OR2L13: variants seen among roughly 807,000 people sequenced by gnomAD.
OR2L13 encodes the protein olfactory receptor 2L13.
A neutral mutation model predicts 15.3 loss-of-function variants in OR2L13; 14 were observed. The observed-to-expected ratio is 0.91, with a 90% CI of 0.60 to 1.43. The LOEUF is 1.43. Among genes scored for constraint, OR2L13 ranks in the 40% most tolerant of loss-of-function variants. OR2L13 has a pLI of 0.00. For synonymous variants in OR2L13, 152 were observed against 142.9 expected, an observed-to-expected ratio of 1.06 and a Z score of -0.45; for missense variants, 367 against 387.9, an observed-to-expected ratio of 0.95 and a Z score of 0.45.
the OR2L13 span, among the ~76,000 whole-genome samples, chr1:248,036,873 A>C: frequency 4.1e-4 from 62 of 152,282 alleles, no homozygotes; most frequent in African/African-American, 1.4e-3. Context: ...ATGGATCTTA[A>C]CAAAAAATTG....
chr1:248,046,752 T>G, the OR2L13 span: 1 of 152,142 alleles, frequency 6.6e-6, no homozygotes, highest in Non-Finnish European at 1.5e-5. Flanking sequence ...CTCTGAAATC[T>G]CACATGCAGG....
chr1:248,017,226 G>A, the OR2L13 span, among the ~76,000 whole-genome samples: 1 of 152,122 alleles, frequency 6.6e-6, no homozygotes, highest in African/African-American at 2.4e-5. Context: ...AGCTAATTCT[G>A]TGGATAAAAA....
the OR2L13 span, chr1:248,061,136 C>T: frequency 3.7e-5 from 59 of 1,613,400 alleles, no homozygotes; most frequent in African/African-American, 2.1e-4. Context: ...ATCATAGGCT[C>T]GATCAATGCT....
the OR2L13 span, among the ~76,000 whole-genome samples, chr1:248,056,775 G>A: frequency 6.6e-6 from 1 of 150,384 alleles, no homozygotes; most frequent in South Asian, 2.1e-4. Context: ...GGCCTCTTGA[G>A]TAGCTGGGAC....
chr1:248,028,614 T>C, the OR2L13 span, among the ~76,000 whole-genome samples: 1 of 152,208 alleles, frequency 6.6e-6, no homozygotes, highest in Non-Finnish European at 1.5e-5. Context: ...ATAAAACAAG[T>C]TGTGGCCTAC....
At chr1:248,069,137 C>A in the OR2L13 span, among the ~76,000 whole-genome samples, 4 of 152,212 alleles carry the variant, frequency 2.6e-5, no homozygotes, top group South Asian at 6.2e-4. Flanking sequence ...CACAAAGATA[C>A]TCCTCGAGAA....
At chr1:247,943,184 G>A in the OR2L13 span, among the ~76,000 whole-genome samples, 5 of 152,050 alleles carry the variant, frequency 3.3e-5, no homozygotes, top group Non-Finnish European at 7.4e-5. Context: ...ATATTTGTTT[G>A]ATGCAAAAAC....
upstream of OR2L13, among the ~76,000 whole-genome samples, chr1:248,095,607 C>CTGTTTTTTTTTT (rs1553285515): frequency 2.7e-5 from 1 of 37,294 alleles, no homozygotes; most frequent in Non-Finnish European, 5.4e-5. Flanking sequence ...AAAGCTGCTG[C>CTGTTTTTTTTTT]TTTTTTTTTT....
chr1:248,060,631 T>G, the OR2L13 span: 1 of 1,456,944 alleles, frequency 6.9e-7, no homozygotes, highest in African/African-American at 1.4e-5. Flanking sequence ...CGAATTTCTG[T>G]GCTTAACTTA....
chr1:248,064,021 T>G, the OR2L13 span, among the ~76,000 whole-genome samples: 1 of 152,168 alleles, frequency 6.6e-6, no homozygotes, highest in Non-Finnish European at 1.5e-5. Context: ...GCCCTTTGAG[T>G]GTAGGACCTT....
the OR2L13 span, among the ~76,000 whole-genome samples, chr1:248,002,530 T>C: frequency 6.6e-6 from 1 of 152,184 alleles, no homozygotes; most frequent in Admixed American, 6.5e-5. Flanking sequence ...GCTTCATCCA[T>C]GTTGTAGCAT....
chr1:248,011,993 G>C, the OR2L13 span, among the ~76,000 whole-genome samples: 1 of 152,116 alleles, frequency 6.6e-6, no homozygotes, highest in Non-Finnish European at 1.5e-5. Flanking sequence ...TAATATCTAT[G>C]TGATTTAATG....
chr1:247,990,566 G>A, the OR2L13 span: 22 of 1,564,984 alleles, frequency 1.4e-5, no homozygotes, highest in African/African-American at 2.7e-4. Context: ...GGGATTCAGA[G>A]TTTCTTCTTC....
the OR2L13 span, among the ~76,000 whole-genome samples, chr1:248,009,793 C>T: frequency 6.6e-6 from 1 of 152,144 alleles, no homozygotes; most frequent in Non-Finnish European, 1.5e-5. Flanking sequence ...CCAAATCCAA[C>T]AGCATATCAC....
the OR2L13 span, among the ~76,000 whole-genome samples, chr1:247,959,449 T>C: frequency 2.6e-5 from 4 of 152,162 alleles, no homozygotes; most frequent in Admixed American, 6.5e-5. Flanking sequence ...AGAAGTATCT[T>C]TGTGGCGTTC....
the OR2L13 span, among the ~76,000 whole-genome samples, chr1:248,059,255 A>C: frequency 4.0e-5 from 6 of 151,194 alleles, no homozygotes; most frequent in Non-Finnish European, 7.4e-5. Context: ...AGCCTAAAAA[A>C]CTCCAGTTCT....
the OR2L13 span, chr1:248,003,724 GC>G: frequency 6.2e-7 from 1 of 1,613,722 alleles, no homozygotes. Context: ...AGGGCACAGT[GC>G]TTTTGAGTGC....
chr1:248,039,220 G>C, the OR2L13 span: 16,126 of 1,591,672 alleles, frequency 0.01, 1,004 homozygotes, highest in African/African-American at 0.18. Context: ...TACGTTCTGT[G>C]TTAGAGTCAA....
chr1:248,022,010 A>T, the OR2L13 span: 1 of 1,613,930 alleles, frequency 6.2e-7, no homozygotes. Flanking sequence ...CACCATCAAA[A>T]ATTGGCCTTT....
Sources: allele counts gnomAD v4.1 joint callset (sites outside exome capture counted in the v4.1 genomes callset), GRCh38; gene constraint gnomAD v4.1.1; transcripts MANE v1.5; gene names NCBI Gene and HGNC (gene_info 2026-07-23, HGNC 2026-07-21).